Variants in CAMK4 observed in about 807,000 individuals in gnomAD.
CAMK4 encodes calcium/calmodulin dependent protein kinase IV.
Under a neutral mutation model 44.9 loss-of-function variants are expected in CAMK4, and 22 were observed. That is an observed-to-expected ratio of 0.49 (90% CI 0.35 to 0.70). The LOEUF (loss-of-function observed/expected upper bound fraction) is 0.70. Ranked by LOEUF, CAMK4 falls within the 30% of genes least tolerant of loss-of-function variation. CAMK4 has a pLI of 0.01. For missense variants in CAMK4, 498 were observed against 586.8 expected, an observed-to-expected ratio of 0.85 and a Z score of 1.56; for synonymous variants, 218 against 215.4, an observed-to-expected ratio of 1.01 and a Z score of -0.11.
rs1751754293 is a variant in CAMK4 at position 111,390,346 on chromosome 5, A to G, written c.387-4364A>G. 2.6e-5 allele frequency among the ~76,000 whole-genome samples: 4 copies of G among 152,104 alleles called. No individual in the cohort carries two copies. The South Asian group carries it at 8.3e-4, about 31-fold the overall frequency. ...TCATTGAGGTTTTTTGATATATTTT[A>G]TACTTTTGACATATCTGTTTTGTTC... On this transcript the variant is annotated intron_variant, in intron 4 of 10. Coordinates refer to ENST00000282356, the MANE Select transcript of CAMK4 (RefSeq NM_001744.6).
At chr5:111,472,431 G>A (rs1010168266) in intron 7 of CAMK4, among the ~76,000 whole-genome samples, 4 of 152,176 alleles carry the variant, frequency 2.6e-5, no homozygotes, top group African/African-American at 9.7e-5. Context: ...CAATAGGCCT[G>A]AGCTCTATTT....
At chr5:111,429,038 G>C (rs1388939675) in intron 5 of CAMK4, among the ~76,000 whole-genome samples, 2 of 152,084 alleles carry the variant, frequency 1.3e-5, no homozygotes, top group Admixed American at 6.6e-5. Context: ...CATCAGAAAA[G>C]AGGAATAACT....
chr5:111,393,783 T>C (rs1381552454), intron 4 of CAMK4, among the ~76,000 whole-genome samples: 1 of 151,976 alleles, frequency 6.6e-6, no homozygotes, highest in African/African-American at 2.4e-5. Flanking sequence ...GCTTAATACC[T>C]GGGTGATGAA....
At chr5:111,294,554 T>G (rs1747407567) in intron 1 of CAMK4, among the ~76,000 whole-genome samples, 1 of 152,234 alleles carries the variant, frequency 6.6e-6, no homozygotes, top group Non-Finnish European at 1.5e-5. Flanking sequence ...CTGGTTGAGA[T>G]ATATATTATT....
intron 2 of CAMK4, among the ~76,000 whole-genome samples, chr5:111,346,167 A>G (rs567194425): frequency 7.1e-4 from 108 of 151,898 alleles, no homozygotes; most frequent in Non-Finnish European, 1.2e-3. Flanking sequence ...AAAGGAAATG[A>G]ATGAAGCCTA....
chr5:111,235,708 A>T (rs1450472567), intron 1 of CAMK4, among the ~76,000 whole-genome samples: 1 of 152,242 alleles, frequency 6.6e-6, no homozygotes, highest in Non-Finnish European at 1.5e-5. Flanking sequence ...TACTGAGGAA[A>T]TGGAATGTCA....
intron 1 of CAMK4, among the ~76,000 whole-genome samples, chr5:111,269,268 T>C (rs1165279312): frequency 6.6e-6 from 1 of 152,212 alleles, no homozygotes; most frequent in Non-Finnish European, 1.5e-5. Context: ...AGGCAAACCT[T>C]TTTGACTTGA....
At chr5:111,292,268 T>C (rs1427537278) in intron 1 of CAMK4, among the ~76,000 whole-genome samples, 3 of 152,228 alleles carry the variant, frequency 2.0e-5, no homozygotes, top group Non-Finnish European at 4.4e-5. Context: ...CATTCTATAT[T>C]GTTATCATGT....
intron 5 of CAMK4, among the ~76,000 whole-genome samples, chr5:111,432,834 TC>T (rs1753506885): frequency 6.6e-6 from 1 of 152,030 alleles, no homozygotes; most frequent in South Asian, 2.1e-4. Context: ...TTCACTCCTT[TC>T]ATATATTATT....
At chr5:111,286,631 T>C (rs1306940961) in intron 1 of CAMK4, among the ~76,000 whole-genome samples, 1 of 152,212 alleles carries the variant, frequency 6.6e-6, no homozygotes, top group Non-Finnish European at 1.5e-5. Flanking sequence ...CTATTTGCTA[T>C]GTATCTAACA....
intron 7 of CAMK4, among the ~76,000 whole-genome samples, chr5:111,464,222 A>G (rs1561503795): frequency 7.6e-6 from 1 of 131,744 alleles, no homozygotes; most frequent in Non-Finnish European, 1.8e-5. Context: ...AGACCTGAAC[A>G]AGCAGAAGAA....
At chr5:111,258,221 T>C (rs1282001944) in intron 1 of CAMK4, among the ~76,000 whole-genome samples, 1 of 151,990 alleles carries the variant, frequency 6.6e-6, no homozygotes, top group East Asian at 1.9e-4. Context: ...AGTCTGAATG[T>C]CTTTTTTTAA....
In CAMK4 at chr5:111,280,828, G is replaced by A. The variant is rs117513528; in HGVS notation, c.161+56184G>A. On this transcript the variant is annotated intron_variant, in intron 1 of 10. Coordinates refer to ENST00000282356, the MANE Select transcript of CAMK4 (RefSeq NM_001744.6). Reference sequence around the variant, plus strand: ...GACCTCTGAGAATTTTAATTAAAACGCAGAACAAAATTCAGAGTGCTTGGA... The same window carrying A: ...GACCTCTGAGAATTTTAATTAAAACACAGAACAAAATTCAGAGTGCTTGGA... 6.2e-4 allele frequency among the ~76,000 whole-genome samples: 94 copies of A among 152,264 alleles called. 1 individual carries two copies. In the East Asian group the frequency reaches 0.018, roughly 29 times the overall value.
At chr5:111,247,426 C>T (rs1749288533) in intron 1 of CAMK4, among the ~76,000 whole-genome samples, 1 of 146,802 alleles carries the variant, frequency 6.8e-6, no homozygotes, top group East Asian at 2.0e-4. Flanking sequence ...TATATTTATA[C>T]TTATAGATAC....
At chr5:111,375,962 C>T (rs990968836) in intron 3 of CAMK4, among the ~76,000 whole-genome samples, 1 of 152,006 alleles carries the variant, frequency 6.6e-6, no homozygotes, top group Non-Finnish European at 1.5e-5. Flanking sequence ...GTGGAAGTCT[C>T]TTCAAATTTT....
At chr5:111,480,466 C>T (rs939535654) in intron 9 of CAMK4, among the ~76,000 whole-genome samples, 1 of 152,042 alleles carries the variant, frequency 6.6e-6, no homozygotes, top group African/African-American at 2.4e-5. Context: ...AATGGTCCTC[C>T]TTAATTAGAT....
chr5:111,325,382 G>T (rs974213701), intron 1 of CAMK4, among the ~76,000 whole-genome samples: 16 of 151,986 alleles, frequency 1.1e-4, no homozygotes, highest in African/African-American at 3.9e-4. Context: ...ATACCCCGTA[G>T]TAGGATTGCC....
chr5:111,387,033 C>T (rs974462480), intron 4 of CAMK4, among the ~76,000 whole-genome samples: 1 of 152,180 alleles, frequency 6.6e-6, no homozygotes, highest in African/African-American at 2.4e-5. Context: ...GGGCCCTGGG[C>T]CTGTGACAAT....
intron 1 of CAMK4, among the ~76,000 whole-genome samples, chr5:111,343,753 C>G (rs1749740201): frequency 6.6e-6 from 1 of 151,688 alleles, no homozygotes; most frequent in African/African-American, 2.4e-5. Context: ...CCAGAGCCTT[C>G]TCAATGCAGT....
Sources: gnomAD v4.1 joint callset for allele counts (sites outside exome capture counted in the v4.1 genomes callset) on GRCh38, gnomAD v4.1.1 for gene constraint, MANE v1.5 for transcripts, NCBI Gene and HGNC (gene_info 2026-07-23, HGNC 2026-07-21) for gene names.